The following PKHD1L1 variants were observed in gnomAD, a reference collection of about 807,000 sequenced individuals.
The protein encoded by PKHD1L1 is PKHD1 like 1.
PKHD1L1 carries 434 observed loss-of-function variants against 462.9 expected under a neutral mutation model. That is an observed-to-expected ratio of 0.94 (90% CI 0.87 to 1.02). PKHD1L1 has a LOEUF of 1.02. PKHD1L1 is among the 50% of genes least tolerant of loss of function. The probability of loss-of-function intolerance (pLI) is 0.00; values close to 1 mark genes in which losing one functional copy is unlikely to be tolerated. For synonymous variants in PKHD1L1, 1,781 were observed against 1,750.0 expected (o/e 1.02, Z -0.44); for missense variants, 5,202 against 5,096.1 (o/e 1.02, Z -0.63).
In PKHD1L1 at chr8:109,384,054, A is replaced by T. The variant is rs1483991658; in HGVS notation, c.418-16A>T. 1 of 1,561,664 alleles carries T rather than the reference A, an allele frequency of 6.4e-7. No homozygotes were observed. Among genetic ancestry groups the T allele is most frequent in the Non-Finnish European group, 8.8e-7 (1 of 1,133,928 alleles). ...AACAGAGATAAGTTTTCATATTGAC[A>T]TTATTCTTTTTACAGGCAAAAAGTT... On this transcript the variant is annotated splice_polypyrimidine_tract_variant and intron_variant, in intron 4 of 77. Transcript: ENST00000378402.
intron 30 of PKHD1L1, among the ~76,000 whole-genome samples, chr8:109,437,406 A>G (rs11987503): frequency 2.7e-4 from 41 of 152,042 alleles, no homozygotes; most frequent in African/African-American, 9.9e-4. Flanking sequence ...GGTTAGTTAC[A>G]TATGTATACA....
At chr8:109,385,837 G>A (rs1812416949) in intron 6 of PKHD1L1, among the ~76,000 whole-genome samples, 1 of 151,560 alleles carries the variant, frequency 6.6e-6, no homozygotes, top group Non-Finnish European at 1.5e-5. Flanking sequence ...TTCTTTTTTG[G>A]TCTGGTGTAA....
chr8:109,454,973 A>G, intron 45 of PKHD1L1, 121 bp downstream of exon 45: 3 of 1,252,452 alleles, frequency 2.4e-6, no homozygotes, highest in Non-Finnish European at 3.2e-6. Flanking sequence ...TAGGCTTCTC[A>G]TGTCTTTAGA....
chr8:109,489,992 T>C lies in PKHD1L1; in HGVS notation c.9921T>C (p.Gly3307=), dbSNP rs1818749276. The part of the protein sequence containing the change: ...RISNVEFYHS[G]QEGFRDSTDP... The stretch of plus-strand genomic sequence containing the variant: ...GTAATGTGGAATTTTATCACAGTGG[T>C]CAAGAAGGCTTCAGGGATAGCACAG... Residue 3307 remains glycine (G), a synonymous_variant, in exon 60 of 78, where the codon GGT becomes GGC. Coordinates refer to ENST00000378402, the MANE Select transcript of PKHD1L1 (RefSeq NM_177531.6). 2.5e-6 allele frequency: 4 copies of C among 1,608,958 alleles called. No homozygotes were observed. The highest frequency in any genetic ancestry group is 3.4e-6 in the Non-Finnish European group (4 of 1,176,270).
chr8:109,512,689 T>G (rs77697146), intron 71 of PKHD1L1, among the ~76,000 whole-genome samples: 35,874 of 151,766 alleles, frequency 0.24, 4,918 homozygotes, highest in African/African-American at 0.34. Flanking sequence ...GCTCTTTTTT[T>G]GTTCCATATG....
chr8:109,468,477 A>C (rs1191944760), intron 50 of PKHD1L1, among the ~76,000 whole-genome samples: 5 of 152,246 alleles, frequency 3.3e-5, no homozygotes, highest in African/African-American at 1.2e-4. Flanking sequence ...AAGACTCATC[A>C]CAGAACATTG....
chr8:109,376,107 T>G (rs1006189286), intron 2 of PKHD1L1, among the ~76,000 whole-genome samples: 2 of 152,224 alleles, frequency 1.3e-5, no homozygotes, highest in African/African-American at 4.8e-5. Context: ...AGGTGGAGCC[T>G]ACAGAGGCAG....
chr8:109,498,976 G>T (rs1819266387), intron 67 of PKHD1L1: 1 of 520,360 alleles, frequency 1.9e-6, no homozygotes, highest in Non-Finnish European at 3.3e-6. Context: ...TTGAAGAATT[G>T]ATGTTAAATT....
intron 2 of PKHD1L1, among the ~76,000 whole-genome samples, chr8:109,373,521 C>A (rs915714479): frequency 6.6e-6 from 1 of 152,062 alleles, no homozygotes. Context: ...CTGCTCTGAT[C>A]TTAGTTATTT....
At chr8:109,477,980 A>T (rs754081267) in intron 53 of PKHD1L1, among the ~76,000 whole-genome samples, 2 of 152,162 alleles carry the variant, frequency 1.3e-5, no homozygotes, top group African/African-American at 4.8e-5. Flanking sequence ...ATTACTGGAC[A>T]TGATGGTACT....
intron 46 of PKHD1L1, among the ~76,000 whole-genome samples, chr8:109,457,022 A>T (rs1482887308): frequency 6.6e-6 from 1 of 151,964 alleles, no homozygotes; most frequent in Non-Finnish European, 1.5e-5. Context: ...ATAAGACATA[A>T]AAGAAAGAAA....
chr8:109,400,972 T>C (rs1025159716), intron 13 of PKHD1L1, among the ~76,000 whole-genome samples: 1 of 152,130 alleles, frequency 6.6e-6, no homozygotes, highest in Non-Finnish European at 1.5e-5. Context: ...AAGTTTAAAT[T>C]GCTATCTGTA....
chr8:109,387,327 TA>T (rs778164048), intron 6 of PKHD1L1, among the ~76,000 whole-genome samples: 1 of 152,180 alleles, frequency 6.6e-6, no homozygotes, highest in Non-Finnish European at 1.5e-5. Flanking sequence ...AAGTATGTAT[TA>T]AAGACCAAAT....
At chr8:109,471,832 TA>T (rs1817738321) in intron 50 of PKHD1L1, among the ~76,000 whole-genome samples, 1 of 152,198 alleles carries the variant, frequency 6.6e-6, no homozygotes, top group Non-Finnish European at 1.5e-5. Flanking sequence ...TTATAAAAAT[TA>T]ACTTAGTTTT....
In PKHD1L1 at chr8:109,498,655, G is replaced by T. The variant is rs1819245989; in HGVS notation, c.10712G>T (p.Gly3571Val). The stretch of plus-strand genomic sequence containing the variant: ...TTAACTTTTTCTTTTTTGGTAAAAG[G>T]TGGGAGAAGTGGGATTTGTTGGCCT... The part of the protein sequence containing the change: ...AAHRSPRSPS[G>V]GRSGICWPTF... The change falls in exon 67 of 78, where the codon GGT (glycine) becomes GTT (valine). Residue 3571 changes from glycine (G) to valine (V), a missense_variant and splice_region_variant. Around this residue, in one of 3 missense-constraint regions of PKHD1L1, gnomAD observed 4,497 missense variants for 4,336.8 expected, o/e 1.04. Transcript: ENST00000378402. 2 of 1,613,716 alleles carry T rather than the reference G, an allele frequency of 1.2e-6. No homozygotes were observed. Among genetic ancestry groups the T allele is most frequent in the South Asian group, 1.1e-5 (1 of 91,058 alleles).
chr8:109,420,762 C>A, intron 23 of PKHD1L1, 72 bp downstream of exon 23: 1 of 1,145,720 alleles, frequency 8.7e-7, no homozygotes, highest in Non-Finnish European at 1.2e-6. Context: ...AACCAACATA[C>A]AGATGGAATA....
rs184353645 is a variant in PKHD1L1 at position 109,486,706 on chromosome 8, G to C, written c.9765G>C (p.Gly3255=). 8.9e-5 allele frequency: 144 copies of C among 1,612,470 alleles called. No individual in the cohort carries two copies. The African/African-American group carries it at 1.7e-3, about 20-fold the overall frequency. ...GCTACACGTTAGCAGCTGATGTTGG[G>C]ATACTGAGTAGGAACATCAAAATAG... The part of the protein sequence containing the change: ...GESYTLAADV[G]ILSRNIKIVG... Residue 3255 remains glycine (G), a synonymous_variant, in exon 59 of 78, where the codon GGG becomes GGC. Transcript: ENST00000378402.
Position 109,464,978 on chromosome 8 carries a change from C to T in PKHD1L1, c.8146C>T (p.Leu2716=), listed in dbSNP as rs369158484. ...NAKIVGHLDE[L]GMGSAFCTAK... is the part of the protein sequence containing the mutation. ...CAAAATAGTCGGCCATCTTGATGAACTGGGAATGGGGTCTGCATTTTGCAC... is the reference window on the plus strand; with the variant it reads ...CAAAATAGTCGGCCATCTTGATGAATTGGGAATGGGGTCTGCATTTTGCAC... Residue 2716 remains leucine, a synonymous_variant, in exon 49 of 78, where the codon CTG becomes TTG. Coordinates refer to ENST00000378402, the MANE Select transcript of PKHD1L1 (RefSeq NM_177531.6). The T allele has an allele frequency of 9.4e-5, 152 of 1,613,686 alleles. 1 individual carries two copies. The African/African-American group carries it at 1.8e-3, about 19-fold the overall frequency.
chr8:109,498,117 C>CG (rs1297953680), intron 65 of PKHD1L1, among the ~76,000 whole-genome samples: 2 of 30,664 alleles, frequency 6.5e-5, no homozygotes, highest in Non-Finnish European at 1.0e-4. Context: ...TTTTTTGAGA[C>CG]GGAGTCTCGC....
Sources: gnomAD v4.1 joint callset for allele counts (sites outside exome capture counted in the v4.1 genomes callset) on GRCh38, gnomAD v4.1.1 for gene constraint, gnomAD v4.1.1 regional missense constraint, MANE v1.5 for transcripts, NCBI Gene and HGNC (gene_info 2026-07-23, HGNC 2026-07-21) for gene names.